MGAT4A: variants seen among roughly 807,000 people sequenced by gnomAD.
MGAT4A encodes alpha-1,3-mannosyl-glycoprotein 4-beta-N-acetylglucosaminyltransferase A, also known as N-acetylglucosaminyltransferase IVa.
MGAT4A carries 33 observed loss-of-function variants against 74.1 expected under a neutral mutation model. The observed-to-expected ratio is 0.45, with a 90% CI of 0.34 to 0.60. The LOEUF (loss-of-function observed/expected upper bound fraction) is 0.60. MGAT4A is among the 20% of genes least tolerant of loss of function. MGAT4A has a pLI of 0.02. For synonymous variants in MGAT4A, 198 were observed against 210.4 expected, an observed-to-expected ratio of 0.94 and a Z score of 0.51; for missense variants, 479 against 628.3, an observed-to-expected ratio of 0.76 and a Z score of 2.54.
At chr2:98,721,739 A>T (rs1702675323) in intron 2 of MGAT4A, among the ~76,000 whole-genome samples, 1 of 152,164 alleles carries the variant, frequency 6.6e-6, no homozygotes, top group Admixed American at 6.5e-5. Context: ...GACTACTAAA[A>T]ATACTCAAAA....
At chr2:98,664,797 T>C (rs1237114873) in intron 4 of MGAT4A, among the ~76,000 whole-genome samples, 5 of 152,204 alleles carry the variant, frequency 3.3e-5, no homozygotes, top group Non-Finnish European at 5.9e-5. Flanking sequence ...TGTTTGAGTG[T>C]TGTGATCCTA....
chr2:98,656,597 G>T (rs1701665626), intron 6 of MGAT4A, 132 bp from the exon 7 acceptor site: 1 of 564,814 alleles, frequency 1.8e-6, no homozygotes, highest in Middle Eastern at 3.9e-4. Context: ...TGGCCGCAAG[G>T]TGTTAAAAGG....
In MGAT4A at chr2:98,621,939, TACAC is replaced by T. The variant is rs1033825784; in HGVS notation, c.*3623_*3626del. ...CAACCATCTCCAATTGTTGAACAAA[TACAC>T]ACATACGTATCTACAGCCTATGTGC... On this transcript the variant is annotated 3_prime_UTR_variant, in exon 16 of 16. Coordinates refer to ENST00000393487, the MANE Select transcript of MGAT4A (RefSeq NM_012214.3). 11 of 995,736 alleles carry T rather than the reference TACAC, an allele frequency of 1.1e-5. No homozygotes were observed. The highest frequency in any genetic ancestry group is 1.3e-5 in the Non-Finnish European group (11 of 836,502). The allele number at this position is 995,736 out of a possible 1,614,324, so 61.7% of individuals were successfully genotyped here. A position where few individuals can be genotyped will look rare whatever the true frequency, so the allele number is the denominator to read the frequency against.
At chr2:98,680,704 G>T (rs1702047305) in intron 2 of MGAT4A, among the ~76,000 whole-genome samples, 1 of 152,152 alleles carries the variant, frequency 6.6e-6, no homozygotes, top group African/African-American at 2.4e-5. Context: ...CGATCTGGGT[G>T]TCACTCATGG....
At chr2:98,678,894 T>C (rs1321608265) in intron 2 of MGAT4A, among the ~76,000 whole-genome samples, 1 of 152,216 alleles carries the variant, frequency 6.6e-6, no homozygotes, top group Non-Finnish European at 1.5e-5. Context: ...TATATAATAA[T>C]ATAATGAATA....
In MGAT4A at chr2:98,678,398, T is replaced by A; in HGVS notation, c.168A>T (p.Ser56=). 6.3e-7 allele frequency: 1 copy of A among 1,595,942 alleles called. No individual in the cohort carries two copies. The highest frequency in any genetic ancestry group is 2.2e-5 in the East Asian group (1 of 44,756). The change falls in exon 3 of 16, where the codon TCA becomes TCT. Residue 56 remains serine (S), a synonymous_variant. Coordinates refer to ENST00000393487, the MANE Select transcript of MGAT4A (RefSeq NM_012214.3). ...ERLRIAEHRI[S]QRSSELNTIV... The stretch of plus-strand genomic sequence containing the variant: ...TCGTATTTAATTCAGAAGAGCGCTG[T>A]GAGATTCTGTGTTCAGCTATTCGAA...
rs564451944 is a variant in MGAT4A, at chr2:98,671,529, G to A, written c.403+3506C>T. 5.9e-5 allele frequency among the ~76,000 whole-genome samples: 9 copies of A among 152,196 alleles called. No individual in the cohort carries two copies. The South Asian group carries it at 8.3e-4, about 14-fold the overall frequency. On this transcript the variant is annotated intron_variant, in intron 4 of 15. Transcript: ENST00000393487. ...TTCCACACACTTCCTCACTCTACAC[G>A]TAAACTACAGTGACCTTCTTTCATT...
chr2:98,666,258 T>C (rs1701828936), intron 4 of MGAT4A, among the ~76,000 whole-genome samples: 1 of 152,116 alleles, frequency 6.6e-6, no homozygotes. Context: ...CTTGAGTAAC[T>C]GGACGGGGGC....
chr2:98,664,035 G>A (rs973813063), intron 4 of MGAT4A, among the ~76,000 whole-genome samples: 8 of 151,502 alleles, frequency 5.3e-5, no homozygotes, highest in South Asian at 2.1e-4. Context: ...GGCGAAACCC[G>A]GTCTCTACTA....
intron 5 of MGAT4A, among the ~76,000 whole-genome samples, chr2:98,658,688 C>T (rs1053101512): frequency 2.0e-5 from 3 of 152,014 alleles, no homozygotes; most frequent in Non-Finnish European, 4.4e-5. Flanking sequence ...TGAGTTTCAA[C>T]CTATTCTATG....
At chr2:98,660,457 C>CACACACA (rs1359333265) in intron 5 of MGAT4A, among the ~76,000 whole-genome samples, 1 of 141,766 alleles carries the variant, frequency 7.1e-6, no homozygotes, top group Non-Finnish European at 1.5e-5. Flanking sequence ...CACACACACA[C>CACACACA]AACAAATAGC....
intron 1 of MGAT4A, among the ~76,000 whole-genome samples, chr2:98,729,552 T>C (rs981118965): frequency 6.6e-6 from 1 of 152,164 alleles, no homozygotes; most frequent in Non-Finnish European, 1.5e-5. Context: ...CAAAAAAAGG[T>C]AGTGGCTAAA....
At chr2:98,719,574 G>C (rs1442649827) in intron 2 of MGAT4A, among the ~76,000 whole-genome samples, 1 of 151,892 alleles carries the variant, frequency 6.6e-6, no homozygotes, top group African/African-American at 2.4e-5. Flanking sequence ...ACACCAAACG[G>C]GGAAAAAAAA....
chr2:98,682,541 G>A (rs1702075831), intron 2 of MGAT4A, among the ~76,000 whole-genome samples: 1 of 151,648 alleles, frequency 6.6e-6, no homozygotes. Flanking sequence ...TAAGAAACAG[G>A]TATTTATATC....
intron 4 of MGAT4A, among the ~76,000 whole-genome samples, chr2:98,670,488 C>T (rs1477795148): frequency 2.6e-5 from 4 of 152,012 alleles, no homozygotes; most frequent in South Asian, 2.1e-4. Flanking sequence ...AATTCTAGTT[C>T]GTATTTCCTT....
intron 4 of MGAT4A, among the ~76,000 whole-genome samples, chr2:98,672,083 G>C (rs1481437133): frequency 6.6e-6 from 1 of 151,020 alleles, no homozygotes; most frequent in Non-Finnish European, 1.5e-5. Context: ...TTTAAACACA[G>C]TGAGTTTGTG....
chr2:98,647,120 GA>G (rs1305719983), intron 8 of MGAT4A, among the ~76,000 whole-genome samples: 1 of 152,144 alleles, frequency 6.6e-6, no homozygotes, highest in East Asian at 1.9e-4. Flanking sequence ...ACAGAATTAG[GA>G]AAGCACCACT....
At chr2:98,667,210 T>G (rs373723081) in intron 4 of MGAT4A, among the ~76,000 whole-genome samples, 58 of 152,318 alleles carry the variant, frequency 3.8e-4, no homozygotes, top group Non-Finnish European at 6.8e-4. Context: ...AACCTCTTTC[T>G]TTTGTAAATT....
chr2:98,717,886 C>A (rs1702613544), intron 2 of MGAT4A, among the ~76,000 whole-genome samples: 1 of 152,172 alleles, frequency 6.6e-6, no homozygotes, highest in Admixed American at 6.5e-5. Context: ...TTTTGGTAAG[C>A]CAGAATGATG....
Sources: allele counts gnomAD v4.1 joint callset (sites outside exome capture counted in the v4.1 genomes callset), GRCh38; gene constraint gnomAD v4.1.1; transcripts MANE v1.5; gene names NCBI Gene and HGNC (gene_info 2026-07-23, HGNC 2026-07-21).